RYR2: variants seen among roughly 807,000 people sequenced by gnomAD.
RYR2 encodes cardiac muscle ryanodine receptor-calcium release channel.
A neutral mutation model predicts 601.1 loss-of-function variants in RYR2; 227 were observed. The observed-to-expected ratio is 0.38, with a 90% CI of 0.34 to 0.42. The LOEUF (loss-of-function observed/expected upper bound fraction) is 0.42. RYR2 is among the 10% of genes least tolerant of loss of function. The pLI is 1.00. For synonymous variants in RYR2, 2,223 were observed against 2,175.1 expected (o/e 1.02, Z -0.61); for missense variants, 4,646 against 6,156.5 (o/e 0.75, Z 8.21).
At chr1:237,215,033 GT>G (rs1434937707) in intron 1 of RYR2, among the ~76,000 whole-genome samples, 4 of 152,188 alleles carry the variant, frequency 2.6e-5, no homozygotes, top group Non-Finnish European at 4.4e-5. Flanking sequence ...CTCGGAGAAG[GT>G]GAGGATCTTT....
intron 1 of RYR2, among the ~76,000 whole-genome samples, chr1:237,250,667 G>A (rs944691956): frequency 2.6e-5 from 4 of 151,960 alleles, no homozygotes; most frequent in East Asian, 1.9e-4. Flanking sequence ...CCTTTCACCC[G>A]CCAAACTCCC....
At chr1:237,247,198 G>A (rs1314415402) in intron 1 of RYR2, among the ~76,000 whole-genome samples, 5 of 152,106 alleles carry the variant, frequency 3.3e-5, no homozygotes, top group South Asian at 2.1e-4. Flanking sequence ...TGAGAAGGAC[G>A]GAGAAGGAAA....
At chr1:237,366,106 C>T (rs1700172709) in intron 5 of RYR2, among the ~76,000 whole-genome samples, 1 of 152,194 alleles carries the variant, frequency 6.6e-6, no homozygotes. Flanking sequence ...TCATGCTTTG[C>T]TTTGGGTTTC....
chr1:237,744,665 C>A (rs369132637), intron 80 of RYR2, among the ~76,000 whole-genome samples: 8,080 of 149,158 alleles, frequency 0.054, 380 homozygotes, highest in African/African-American at 0.14. Flanking sequence ...TCAACAACAA[C>A]AAAAAAGCTT....
chr1:237,754,220 G>A (rs751004710), intron 80 of RYR2, among the ~76,000 whole-genome samples: 17 of 150,044 alleles, frequency 1.1e-4, no homozygotes, highest in Non-Finnish European at 2.2e-4. Flanking sequence ...ATTTAGATGC[G>A]ATGTTAAAAA....
Position 237,273,362 on chromosome 1 carries a change from T to G in RYR2, c.168+2746T>G, listed in dbSNP as rs992196556. On this transcript the variant is annotated intron_variant, in intron 2 of 104. Transcript: ENST00000366574. ...AGCAGCTGTACATACAGATGAAGCT[T>G]GCCTGCTGCTCACTTCCGGCTCTGT... 6.6e-5 allele frequency among the ~76,000 whole-genome samples: 10 copies of G among 152,178 alleles called. 1 individual carries two copies. Among genetic ancestry groups the G allele is most frequent in the Admixed American group, 2.0e-4 (3 of 15,276 alleles).
chr1:237,430,026 T>C (rs1323262042), intron 12 of RYR2, among the ~76,000 whole-genome samples: 1 of 151,444 alleles, frequency 6.6e-6, no homozygotes, highest in Non-Finnish European at 1.5e-5. Flanking sequence ...TGGAAGTATT[T>C]TTCATGGCTA....
At position 237,542,962 on chromosome 1, in the gene RYR2, A is replaced by C. The variant is rs189264322; in HGVS notation, c.2907-5469A>C. Reference sequence around the variant, plus strand: ...GCCTCCTCTGACTCTCCCCTCCTGTAGGCTCTGGAATTTTCAGCCTATCTT... The same window carrying C: ...GCCTCCTCTGACTCTCCCCTCCTGTCGGCTCTGGAATTTTCAGCCTATCTT... On this transcript the variant is annotated intron_variant, in intron 25 of 104. Transcript: ENST00000366574. Among the ~76,000 whole-genome samples the C allele has an allele frequency of 2.6e-5, 4 of 152,086 alleles. No individual in the cohort carries two copies. The South Asian group carries it at 8.3e-4, about 32-fold the overall frequency.
rs2148594268 is a variant in RYR2 at position 237,614,223 on chromosome 1, C to T, written c.5095C>T (p.Arg1699Cys). The change falls in exon 37 of 105, where the codon CGT (arginine) becomes TGT (cysteine). Residue 1699 changes from arginine to cysteine, a missense_variant. Physicochemically the swap from Arg to Cys is radical, Grantham distance 180. This residue lies in a region of RYR2 where 1,807 missense variants were observed against 2,088.1 expected (regional missense o/e 0.87). Coordinates refer to ENST00000366574, the MANE Select transcript of RYR2 (RefSeq NM_001035.3). The surrounding 1 kb of genome is among the most constrained non-coding windows in gnomAD (Gnocchi z 4.3). ...IENKYMPGLL[R>C]AGYYDLLIDI... Reference sequence around the variant, plus strand: ...GAACAAGTACATGCCTGGTTTGCTGCGTGCTGGCTACTATGACCTGCTGAT... The same window carrying T: ...GAACAAGTACATGCCTGGTTTGCTGTGTGCTGGCTACTATGACCTGCTGAT... 4 of 1,614,038 alleles carry T rather than the reference C, an allele frequency of 2.5e-6. No individual in the cohort carries two copies. The highest frequency in any genetic ancestry group is 3.4e-6 in the Non-Finnish European group (4 of 1,179,878).
intron 41 of RYR2, 133 bp downstream of exon 41, chr1:237,628,213 T>C: frequency 9.1e-7 from 1 of 1,101,332 alleles, no homozygotes; most frequent in South Asian, 1.9e-5. Context: ...AAATAGCTTT[T>C]CTTTTTTTTA....
chr1:237,641,495 T>TTCTTTTTCTTTCTC (rs1681511277), intron 47 of RYR2, among the ~76,000 whole-genome samples: 1 of 140,734 alleles, frequency 7.1e-6, no homozygotes, highest in African/African-American at 2.8e-5. Context: ...CTTTCTTTCT[T>TTCTTTTTCTTTCTC]TCTTTCTTTC....
intron 37 of RYR2, among the ~76,000 whole-genome samples, chr1:237,616,225 G>A (rs1678450983): frequency 6.6e-6 from 1 of 152,128 alleles, no homozygotes; most frequent in Non-Finnish European, 1.5e-5. Context: ...AGGGTTTTAA[G>A]GTCCTCTTTG....
chr1:237,230,482 G>A (rs1684868229), intron 1 of RYR2, among the ~76,000 whole-genome samples: 1 of 152,034 alleles, frequency 6.6e-6, no homozygotes, highest in African/African-American at 2.4e-5. Context: ...GTAAGGAATT[G>A]ACATTGAAAG....
At chr1:237,295,383 A>AG (rs754848288) in intron 2 of RYR2, among the ~76,000 whole-genome samples, 1 of 151,556 alleles carries the variant, frequency 6.6e-6, no homozygotes, top group Non-Finnish European at 1.5e-5. Flanking sequence ...ACAAAAGGGA[A>AG]GGGGCCCAGA....
rs1558718234 is a variant in RYR2, at chr1:237,380,399, TATATATATATATATATATATATA to T, written c.576+2965_576+2987del. ...ATATATATATATATATATATATATA[TATATATATATATATATATATATA>T]GTAAATACGAAGTCTGGTGAGTATG... On this transcript the variant is annotated intron_variant, in intron 8 of 104. Coordinates refer to ENST00000366574, the MANE Select transcript of RYR2 (RefSeq NM_001035.3). Among the ~76,000 whole-genome samples the T allele has an allele frequency of 1.9e-3, 62 of 32,662 alleles. 1 individual carries two copies. The highest frequency in any genetic ancestry group is 4.2e-3 in the African/African-American group (38 of 9,102). The allele number at this position is 32,662 out of a possible 152,430, so 21.4% of individuals were successfully genotyped here.
intron 35 of RYR2, among the ~76,000 whole-genome samples, chr1:237,606,037 T>A (rs1049405331): frequency 4.3e-4 from 65 of 151,464 alleles, no homozygotes; most frequent in African/African-American, 1.5e-3. Context: ...AAGCTACCAA[T>A]GACTTTCTTC....
At chr1:237,309,394 C>G (rs1694274056) in intron 2 of RYR2, among the ~76,000 whole-genome samples, 1 of 151,232 alleles carries the variant, frequency 6.6e-6, no homozygotes, top group Non-Finnish European at 1.5e-5. Context: ...AATCCCTTAG[C>G]TAGACATAAA....
intron 29 of RYR2, among the ~76,000 whole-genome samples, chr1:237,578,677 T>C (rs7524496): frequency 0.3 from 44,863 of 150,962 alleles, 7,238 homozygotes; most frequent in East Asian, 0.61. Context: ...ATTTTGGAGA[T>C]TTGTTAAGGT....
intron 1 of RYR2, among the ~76,000 whole-genome samples, chr1:237,141,354 A>T (rs1287291653): frequency 6.6e-6 from 1 of 152,156 alleles, no homozygotes; most frequent in Non-Finnish European, 1.5e-5. Context: ...GAGAATTTTT[A>T]TCGTAAATGA....
Sources: allele counts gnomAD v4.1 joint callset (sites outside exome capture counted in the v4.1 genomes callset), GRCh38; gene constraint gnomAD v4.1.1; regional missense constraint gnomAD v4.1.1; non-coding constraint Gnocchi (gnomAD v3.1); transcripts MANE v1.5; gene names NCBI Gene and HGNC (gene_info 2026-07-23, HGNC 2026-07-21).